The following DTNA variants were observed in gnomAD, a reference collection of about 807,000 sequenced individuals.
The protein encoded by DTNA is dystrophin-related protein 3.
DTNA carries 43 observed loss-of-function variants against 100.7 expected under a neutral mutation model. The ratio of observed to expected loss-of-function variants is 0.43; its 90% confidence interval spans 0.33 to 0.55. The LOEUF is 0.55. Ranked by LOEUF, DTNA falls within the 20% of genes least tolerant of loss-of-function variation. The probability of loss-of-function intolerance (pLI) is 0.04; values close to 1 mark genes in which losing one functional copy is unlikely to be tolerated. For missense variants in DTNA, 798 were observed against 953.9 expected, an observed-to-expected ratio of 0.84 and a Z score of 2.15; for synonymous variants, 349 against 347.9, an observed-to-expected ratio of 1.00 and a Z score of -0.04.
chr18:34,829,225 A>G, intron 10 of DTNA, 175 bp from the exon 11 acceptor site: 1 of 1,548,130 alleles, frequency 6.5e-7, no homozygotes, highest in Non-Finnish European at 8.7e-7. Context: ...TGTGAACCAC[A>G]GTTGTGTTGT....
intron 3 of DTNA, among the ~76,000 whole-genome samples, chr18:34,792,702 C>T (rs1347441104): frequency 6.6e-6 from 1 of 152,194 alleles, no homozygotes; most frequent in African/African-American, 2.4e-5. Context: ...TCGTACACTG[C>T]TGATGGGAAT....
intron 1 of DTNA, among the ~76,000 whole-genome samples, chr18:34,650,436 A>G (rs1482970441): frequency 6.6e-6 from 1 of 152,182 alleles, no homozygotes; most frequent in Non-Finnish European, 1.5e-5. Flanking sequence ...TCCTACTTGT[A>G]AACATCTGCT....
At chr18:34,693,739 G>A (rs938865482) in intron 1 of DTNA, among the ~76,000 whole-genome samples, 2 of 124,994 alleles carry the variant, frequency 1.6e-5, no homozygotes, top group African/African-American at 6.2e-5. Flanking sequence ...TTGTCATCTT[G>A]TGTGCACTGT....
chr18:34,639,838 T>C (rs2059073949), intron 1 of DTNA, among the ~76,000 whole-genome samples: 1 of 152,198 alleles, frequency 6.6e-6, no homozygotes, highest in African/African-American at 2.4e-5. Context: ...TATTTAGAAA[T>C]GAAGAGGGAC....
At chr18:34,503,279 A>ATTT (rs869258771) in intron 1 of DTNA, among the ~76,000 whole-genome samples, 11 of 62,044 alleles carry the variant, frequency 1.8e-4, no homozygotes, top group South Asian at 7.6e-4. Context: ...TAATTGGCTC[A>ATTT]TTTTTTTTTT....
chr18:34,716,732 T>C (rs953626260), intron 1 of DTNA, among the ~76,000 whole-genome samples: 25 of 152,344 alleles, frequency 1.6e-4, no homozygotes, highest in African/African-American at 6.0e-4. Context: ...ACTAACTAGC[T>C]GAGTTAATAT....
chr18:34,879,690 A>G lies in DTNA; in HGVS notation c.2133A>G (p.Gly711=). 2 of 1,614,124 alleles carry G rather than the reference A, an allele frequency of 1.2e-6. No homozygotes were observed. Among genetic ancestry groups the G allele is most frequent in the East Asian group, 2.2e-5 (1 of 44,876 alleles). Residue 711 remains glycine, a synonymous_variant, in exon 20 of 23, where the codon GGA becomes GGG. Transcript: ENST00000444659. The part of the protein sequence containing the change: ...HARKPGYIHS[G]ATTSTMRGDM... ...GAAAACCTGGGTACATTCACAGTGG[A>G]GCTACCACAAGTACCATGCGTGGCG...
In DTNA at chr18:34,495,349, C is replaced by T. The variant is rs139431402; in HGVS notation, c.-2+1835C>T. ...TCCTACAGTAATTAAAGTTGCATGTCCTACAATGATTAAAGTTGCATTTCA... is the reference window on the plus strand; with the variant it reads ...TCCTACAGTAATTAAAGTTGCATGTTCTACAATGATTAAAGTTGCATTTCA... On this transcript the variant is annotated intron_variant, in intron 1 of 19. Coordinates refer to the DTNA transcript ENST00000283365. Among the ~76,000 whole-genome samples, 105 of 152,262 alleles carry T rather than the reference C, an allele frequency of 6.9e-4. 1 individual carries two copies. The East Asian group carries it at 0.019, about 28-fold the overall frequency.
intron 1 of DTNA, among the ~76,000 whole-genome samples, chr18:34,674,894 A>C (rs1171561735): frequency 5.9e-5 from 9 of 152,170 alleles, no homozygotes; most frequent in Non-Finnish European, 1.0e-4. Context: ...GACCTCCAAG[A>C]GTGGTGTGGC....
At chr18:34,564,193 A>T (rs935109138) in intron 1 of DTNA, among the ~76,000 whole-genome samples, 2 of 151,740 alleles carry the variant, frequency 1.3e-5, no homozygotes, top group African/African-American at 4.8e-5. Context: ...CCTAGGCTGG[A>T]GTGCAGTGGC....
At chr18:34,678,103 A>G (rs902674096) in intron 1 of DTNA, among the ~76,000 whole-genome samples, 5 of 152,140 alleles carry the variant, frequency 3.3e-5, no homozygotes, top group African/African-American at 1.2e-4. Flanking sequence ...CAAGAACAGC[A>G]TGGGGATAAC....
In DTNA at chr18:34,648,900, A is replaced by C. The variant is rs576397732; in HGVS notation, c.-1-107076A>C. 2.6e-5 allele frequency among the ~76,000 whole-genome samples: 4 copies of C among 152,356 alleles called. No homozygotes were observed. The East Asian group carries it at 7.7e-4, about 29-fold the overall frequency. ...TGCCCACACACATTAACTTTAAAATATTTTTGTTAAAAGGTAAATTTTGGA... is the reference window on the plus strand; with the variant it reads ...TGCCCACACACATTAACTTTAAAATCTTTTTGTTAAAAGGTAAATTTTGGA... On this transcript the variant is annotated intron_variant, in intron 1 of 19. Coordinates refer to the DTNA transcript ENST00000283365.
intron 1 of DTNA, among the ~76,000 whole-genome samples, chr18:34,680,909 G>A (rs1239585572): frequency 6.6e-6 from 1 of 152,074 alleles, no homozygotes; most frequent in Non-Finnish European, 1.5e-5. Context: ...ATTCCACAGG[G>A]ACTGACCCTA....
At chr18:34,811,008 G>A (rs1401591257) in intron 5 of DTNA, among the ~76,000 whole-genome samples, 1 of 152,130 alleles carries the variant, frequency 6.6e-6, no homozygotes, top group African/African-American at 2.4e-5. Context: ...AATGTTCCCA[G>A]ATTATATTTT....
At chr18:34,872,642 A>G (rs1157248951) in intron 17 of DTNA, among the ~76,000 whole-genome samples, 1 of 152,190 alleles carries the variant, frequency 6.6e-6, no homozygotes, top group Non-Finnish European at 1.5e-5. Flanking sequence ...ACCAATTGAT[A>G]AACAGTCCAA....
intron 1 of DTNA, among the ~76,000 whole-genome samples, chr18:34,503,097 A>T (rs1052344574): frequency 6.6e-6 from 1 of 152,084 alleles, no homozygotes; most frequent in South Asian, 2.1e-4. Context: ...ATTATTAAAT[A>T]ATGCCCCTCT....
intron 3 of DTNA, among the ~76,000 whole-genome samples, chr18:34,789,755 C>T (rs777074608): frequency 2.0e-5 from 3 of 152,056 alleles, no homozygotes; most frequent in Admixed American, 1.3e-4. Flanking sequence ...CTTTTACGTT[C>T]CTTATATTAG....
chr18:34,494,140 C>G (rs2038903034), intron 1 of DTNA: 1 of 151,924 alleles, frequency 6.6e-6, no homozygotes, highest in Admixed American at 6.5e-5. Context: ...GAGTTGTTTT[C>G]GTTGTGGTCG....
At chr18:34,791,318 A>G (rs897307819) in intron 3 of DTNA, among the ~76,000 whole-genome samples, 1 of 152,132 alleles carries the variant, frequency 6.6e-6, no homozygotes, top group Non-Finnish European at 1.5e-5. Flanking sequence ...TCTGTTCCAC[A>G]TCATCCACAA....
Sources: gnomAD v4.1 joint callset for allele counts (sites outside exome capture counted in the v4.1 genomes callset) on GRCh38, gnomAD v4.1.1 for gene constraint, MANE v1.5 for transcripts, NCBI Gene and HGNC (gene_info 2026-07-23, HGNC 2026-07-21) for gene names.